The following JAKMIP3 variants were observed in gnomAD, a reference collection of about 807,000 sequenced individuals.
The protein encoded by JAKMIP3 is Janus kinase and microtubule interacting protein 3, also known as janus kinase and microtubule-interacting protein 3.
A neutral mutation model predicts 118.5 loss-of-function variants in JAKMIP3; 58 were observed. The observed-to-expected ratio is 0.49, with a 90% CI of 0.40 to 0.61. The LOEUF is 0.61. Among genes scored for constraint, JAKMIP3 ranks in the 20% least tolerant of loss-of-function variants. JAKMIP3 has a pLI of 0.00. For missense variants in JAKMIP3, 950 were observed against 1,109.0 expected, an observed-to-expected ratio of 0.86 and a Z score of 2.04; for synonymous variants, 486 against 451.2, an observed-to-expected ratio of 1.08 and a Z score of -0.98.
At chr10:132,078,920 C>T (rs577908636) in intron 1 of JAKMIP3, among the ~76,000 whole-genome samples, 2 of 152,328 alleles carry the variant, frequency 1.3e-5, no homozygotes, top group Non-Finnish European at 2.9e-5. Flanking sequence ...CTGAGCTGCC[C>T]GTCACGAGCC....
intron 2 of JAKMIP3, among the ~76,000 whole-genome samples, chr10:132,108,889 A>ATATAAATTATATACGCAAATG (rs2046322490): frequency 6.7e-6 from 1 of 149,232 alleles, no homozygotes; most frequent in African/African-American, 2.4e-5. Flanking sequence ...ACAAATGTAT[A>ATATAAATTATATACGCAAATG]TATAAATTAT....
chr10:132,089,326 C>G (rs2042828767), intron 1 of JAKMIP3, among the ~76,000 whole-genome samples: 1 of 152,182 alleles, frequency 6.6e-6, no homozygotes, highest in Admixed American at 6.5e-5. Flanking sequence ...GATATTGATA[C>G]TTCCTATCCA....
At chr10:132,154,083 T>C (rs2056687124) in intron 19 of JAKMIP3, 93 bp downstream of exon 19, 3 of 1,150,804 alleles carry the variant, frequency 2.6e-6, no homozygotes, top group Non-Finnish European at 3.9e-6. Flanking sequence ...CAGGTGCCCA[T>C]GTGGGCCAGG....
At chr10:132,166,688 G>A (rs2058938811) in intron 21 of JAKMIP3, among the ~76,000 whole-genome samples, 1 of 152,204 alleles carries the variant, frequency 6.6e-6, no homozygotes, top group South Asian at 2.1e-4. Flanking sequence ...TCCCCGGGAG[G>A]CTGGCCTTGT....
chr10:132,057,994 C>G (rs1055928919), intron 1 of JAKMIP3, among the ~76,000 whole-genome samples: 2 of 152,186 alleles, frequency 1.3e-5, no homozygotes, highest in Non-Finnish European at 2.9e-5. Context: ...TGGGGCTGGA[C>G]GGGGCCAGAT....
At chr10:132,127,797 A>G (rs1414307952) in intron 3 of JAKMIP3, among the ~76,000 whole-genome samples, 1 of 152,050 alleles carries the variant, frequency 6.6e-6, no homozygotes, top group Non-Finnish European at 1.5e-5. Context: ...GTGTTATTCC[A>G]TTAGTAGTTA....
chr10:132,174,443 T>TGTGGGCTCC (rs1177736920), intron 23 of JAKMIP3, among the ~76,000 whole-genome samples: 10 of 148,814 alleles, frequency 6.7e-5, no homozygotes, highest in African/African-American at 2.2e-4. Context: ...CCGTGGGCTC[T>TGTGGGCTCC]GTGGGCTCCG....
Position 132,135,131 on chromosome 10 carries a change from G to T in JAKMIP3, c.940G>T (p.Ala314Ser). 3.1e-6 allele frequency: 5 copies of T among 1,611,688 alleles called. No individual in the cohort carries two copies. The South Asian group carries it at 5.5e-5, about 18-fold the overall frequency. ...AIIRKLEDRN[A>S]LLSEERNELL... ...TATCCGCAAACTGGAGGACCGCAAT[G>T]CATTGCTGTCGGAAGAGAGGAATGA... The change falls in exon 5 of 24, where the codon GCA becomes TCA. Residue 314 changes from alanine (A) to serine (S), a missense_variant. Transcript: ENST00000684848.
chr10:132,140,638 G>C (rs1479708447), intron 10 of JAKMIP3, 59 bp downstream of exon 10: 1 of 1,097,834 alleles, frequency 9.1e-7, no homozygotes, highest in South Asian at 1.7e-5. Flanking sequence ...GTCTCCTGCC[G>C]GGTCCTGGGC....
intron 1 of JAKMIP3, among the ~76,000 whole-genome samples, chr10:132,046,202 C>T (rs953261656): frequency 3.9e-5 from 6 of 152,304 alleles, no homozygotes; most frequent in Non-Finnish European, 8.8e-5. Context: ...TGCCTGTAAT[C>T]CCAGCACTCT....
At chr10:132,086,056 A>G (rs1005600854) in intron 1 of JAKMIP3, among the ~76,000 whole-genome samples, 1 of 152,038 alleles carries the variant, frequency 6.6e-6, no homozygotes, top group Non-Finnish European at 1.5e-5. Context: ...AGAGGTTTTT[A>G]TAGATCACTG....
In JAKMIP3 at chr10:132,149,466, G is replaced by T; in HGVS notation, c.1903G>T (p.Gly635Trp). Residue 635 changes from glycine (G) to tryptophan (W), a missense_variant, in exon 15 of 24, where the codon GGG (glycine) becomes TGG (tryptophan). Transcript: ENST00000684848. ...ISFHHTPFVD[G>W]KSPLQVYCEA... is the part of the protein sequence containing the mutation. ...CTTCCACCACACGCCCTTCGTGGAC[G>T]GGAAGAGCCCCCTCCAGGTGTACTG... 6.2e-7 allele frequency: 1 copy of T among 1,605,504 alleles called. No homozygotes were observed. The highest frequency in any genetic ancestry group is 8.5e-7 in the Non-Finnish European group (1 of 1,177,196).
chr10:132,081,889 G>A (rs989374800), intron 1 of JAKMIP3, among the ~76,000 whole-genome samples: 4 of 151,958 alleles, frequency 2.6e-5, no homozygotes, highest in African/African-American at 9.7e-5. Context: ...AAATCTCCAT[G>A]TCTCTTCTTA....
chr10:132,051,152 T>C (rs1203312797), intron 1 of JAKMIP3, among the ~76,000 whole-genome samples: 1 of 150,284 alleles, frequency 6.7e-6, no homozygotes, highest in Non-Finnish European at 1.5e-5. Context: ...CCTGGCACGG[T>C]TGGTCTTGTT....
intron 16 of JAKMIP3, 132 bp downstream of exon 16, chr10:132,150,173 G>A (rs2055812646): frequency 1.5e-6 from 1 of 666,824 alleles, no homozygotes; most frequent in Admixed American, 3.2e-5. Flanking sequence ...CCCTCCACTA[G>A]GCCCAGAGCC....
Position 132,179,801 on chromosome 10 carries a change from C to T in JAKMIP3, c.*1104-2556C>T. 6.8e-6 allele frequency among the ~76,000 whole-genome samples: 1 copy of T among 146,308 alleles called. No homozygotes were observed. Among genetic ancestry groups the T allele is most frequent in the East Asian group, 1.9e-4 (1 of 5,182 alleles). ...CCATGGCACAGCCACACCATTATCG[C>T]AGCCCTATAATCGGGAGGCATGGCT... On this transcript the variant is annotated intron_variant, in intron 23 of 23. Coordinates refer to ENST00000684848, the MANE Select transcript of JAKMIP3 (RefSeq NM_001323087.2). This position sits in a 1 kb window ranked among gnomAD's most constrained non-coding sequence, Gnocchi z 4.3.
At chr10:132,048,338 C>A (rs1028067518) in intron 1 of JAKMIP3, among the ~76,000 whole-genome samples, 1 of 152,148 alleles carries the variant, frequency 6.6e-6, no homozygotes, top group African/African-American at 2.4e-5. Flanking sequence ...GCCTTGGCAC[C>A]GGGTGCTCTC....
chr10:132,161,517 T>G (rs1163977679), intron 19 of JAKMIP3, among the ~76,000 whole-genome samples: 2 of 49,004 alleles, frequency 4.1e-5, no homozygotes, highest in Middle Eastern at 0.029. Context: ...TGTGTGATGC[T>G]GGGGGGCCTC....
intron 1 of JAKMIP3, among the ~76,000 whole-genome samples, chr10:132,082,396 G>A (rs189100323): frequency 7.2e-4 from 109 of 151,902 alleles, no homozygotes; most frequent in Middle Eastern, 3.4e-3. Context: ...CCCTTTCCCC[G>A]AGTCCCCAAA....
Sources: gnomAD v4.1 joint callset for allele counts (sites outside exome capture counted in the v4.1 genomes callset) on GRCh38, gnomAD v4.1.1 for gene constraint, Gnocchi (gnomAD v3.1) non-coding constraint, MANE v1.5 for transcripts, NCBI Gene and HGNC (gene_info 2026-07-23, HGNC 2026-07-21) for gene names.